PPARGC1A: variants seen among roughly 807,000 people sequenced by gnomAD.
The protein encoded by PPARGC1A is peroxisome proliferator-activated receptor gamma coactivator 1-alpha.
In PPARGC1A, 25 loss-of-function variants were observed where a neutral mutation model predicts 88.7. That is an observed-to-expected ratio of 0.28 (90% CI 0.21 to 0.39). PPARGC1A has a LOEUF of 0.39. Ranked by LOEUF, PPARGC1A falls within the 10% of genes least tolerant of loss-of-function variation. PPARGC1A has a pLI of 1.00. For missense variants in PPARGC1A, 880 were observed against 968.7 expected (o/e 0.91, Z 1.22); for synonymous variants, 363 against 355.6 (o/e 1.02, Z -0.24).
the PPARGC1A span, among the ~76,000 whole-genome samples, chr4:24,116,926 A>T: frequency 3.8e-3 from 579 of 152,290 alleles, 5 homozygotes; most frequent in East Asian, 0.052. Context: ...GTCCACTCTC[A>T]TAACTGTGCT....
At chr4:23,973,070 C>T in the PPARGC1A span, among the ~76,000 whole-genome samples, 2 of 152,210 alleles carry the variant, frequency 1.3e-5, no homozygotes, top group Admixed American at 6.5e-5. Flanking sequence ...CCTCTGTGGT[C>T]TTCCTGGGCT....
chr4:24,074,500 T>C, the PPARGC1A span, among the ~76,000 whole-genome samples: 5 of 152,294 alleles, frequency 3.3e-5, no homozygotes, highest in East Asian at 3.9e-4. Context: ...AATAAAATTA[T>C]ATAATGTAAG....
chr4:24,190,690 A>G, the PPARGC1A span, among the ~76,000 whole-genome samples: 2 of 152,130 alleles, frequency 1.3e-5, no homozygotes, highest in Admixed American at 6.6e-5. Context: ...CCTCCATGCC[A>G]TGTAGTTAGT....
chr4:23,855,742 G>C (rs184471473), intron 2 of PPARGC1A, among the ~76,000 whole-genome samples: 1 of 152,074 alleles, frequency 6.6e-6, no homozygotes, highest in African/African-American at 2.4e-5. Context: ...AGAAATCCTG[G>C]GAGAATGTAA....
chr4:24,312,095 T>A, the PPARGC1A span, among the ~76,000 whole-genome samples: 4 of 152,170 alleles, frequency 2.6e-5, no homozygotes, highest in Non-Finnish European at 4.4e-5. Context: ...TATAACAAGT[T>A]TTATCACTAG....
the PPARGC1A span, among the ~76,000 whole-genome samples, chr4:24,165,417 T>C: frequency 6.6e-6 from 1 of 152,214 alleles, no homozygotes; most frequent in African/African-American, 2.4e-5. Flanking sequence ...GCAACCCTGA[T>C]TGATAATGAC....
the PPARGC1A span, among the ~76,000 whole-genome samples, chr4:24,378,720 A>G: frequency 1.3e-5 from 2 of 152,198 alleles, no homozygotes; most frequent in African/African-American, 4.8e-5. Context: ...TTGCCCTTAC[A>G]TAATAGCTTT....
At chr4:24,105,924 G>A in the PPARGC1A span, among the ~76,000 whole-genome samples, 1 of 152,078 alleles carries the variant, frequency 6.6e-6, no homozygotes. Flanking sequence ...ATTGTTGACG[G>A]CAAACATTTT....
the PPARGC1A span, among the ~76,000 whole-genome samples, chr4:24,158,500 C>T: frequency 3.9e-5 from 6 of 152,154 alleles, no homozygotes; most frequent in African/African-American, 1.4e-4. Flanking sequence ...TCGCTCACTT[C>T]CCTGAATTCA....
chr4:24,430,981 A>C, the PPARGC1A span, among the ~76,000 whole-genome samples: 1 of 151,986 alleles, frequency 6.6e-6, no homozygotes, highest in Non-Finnish European at 1.5e-5. Context: ...AAAAGTAGCC[A>C]GGTGTGGTGG....
At chr4:24,284,521 G>A in the PPARGC1A span, among the ~76,000 whole-genome samples, 1 of 152,098 alleles carries the variant, frequency 6.6e-6, no homozygotes, top group South Asian at 2.1e-4. Flanking sequence ...AAGGGAAAAG[G>A]GCTTCAAAGG....
chr4:24,024,639 G>A, the PPARGC1A span, among the ~76,000 whole-genome samples: 4 of 152,160 alleles, frequency 2.6e-5, no homozygotes, highest in Admixed American at 6.5e-5. Flanking sequence ...AGACTTTAAC[G>A]GTTCTCTGGA....
the PPARGC1A span, among the ~76,000 whole-genome samples, chr4:24,027,211 GTGTGTGTCTGTGTGTC>G: frequency 2.0e-5 from 3 of 150,388 alleles, no homozygotes; most frequent in African/African-American, 7.4e-5. Flanking sequence ...GTGTGTGTGT[GTGTGTGTCTGTGTGTC>G]TGTGTGTGTC....
At chr4:24,061,579 G>C in the PPARGC1A span, among the ~76,000 whole-genome samples, 2 of 152,206 alleles carry the variant, frequency 1.3e-5, no homozygotes, top group African/African-American at 4.8e-5. Context: ...TCAGGATTAG[G>C]AGACAGACCA....
the PPARGC1A span, among the ~76,000 whole-genome samples, chr4:24,039,482 G>C: frequency 1.3e-5 from 2 of 152,102 alleles, no homozygotes; most frequent in African/African-American, 4.8e-5. Flanking sequence ...AAGAATCTTA[G>C]AGCTCATATT....
the PPARGC1A span, among the ~76,000 whole-genome samples, chr4:24,379,880 G>A: frequency 2.0e-5 from 3 of 151,106 alleles, no homozygotes; most frequent in Non-Finnish European, 2.9e-5. Flanking sequence ...CCGGGTTCAA[G>A]TGACTCTTCT....
the PPARGC1A span, among the ~76,000 whole-genome samples, chr4:23,966,342 G>A: frequency 6.6e-6 from 1 of 152,164 alleles, no homozygotes; most frequent in Non-Finnish European, 1.5e-5. Context: ...AGCCACCCCT[G>A]TGTGGCTGTT....
At chr4:24,415,062 C>A in the PPARGC1A span, among the ~76,000 whole-genome samples, 17 of 152,040 alleles carry the variant, frequency 1.1e-4, no homozygotes, top group African/African-American at 4.1e-4. Context: ...CAGTGGCATG[C>A]ACCTGTAATC....
chr4:24,034,090 C>T, the PPARGC1A span, among the ~76,000 whole-genome samples: 2 of 152,190 alleles, frequency 1.3e-5, no homozygotes, highest in South Asian at 4.1e-4. Context: ...GCTGGACTTG[C>T]AAAAAGTATA....
Sources: gnomAD v4.1 joint callset for allele counts (sites outside exome capture counted in the v4.1 genomes callset) on GRCh38, gnomAD v4.1.1 for gene constraint, MANE v1.5 for transcripts, NCBI Gene and HGNC (gene_info 2026-07-23, HGNC 2026-07-21) for gene names.